Variants in MYL9 observed in about 807,000 individuals in gnomAD.
The protein encoded by MYL9 is myosin light chain 9.
A neutral mutation model predicts 12.8 loss-of-function variants in MYL9; 7 were observed. The ratio of observed to expected loss-of-function variants is 0.55; its 90% CI spans 0.31 to 1.03. MYL9 has a LOEUF of 1.03. Among genes scored for constraint, MYL9 ranks in the 50% least tolerant of loss-of-function variants. The pLI is 0.05. For synonymous variants in MYL9, 81 were observed against 87.8 expected (o/e 0.92, Z 0.43); for missense variants, 190 against 242.7 (o/e 0.78, Z 1.44).
intron 1 of MYL9, among the ~76,000 whole-genome samples, chr20:36,542,169 G>A (rs545208015): frequency 3.3e-5 from 5 of 152,108 alleles, no homozygotes; most frequent in Non-Finnish European, 5.9e-5. Flanking sequence ...GAAGGTCTGC[G>A]GAGGGCCCTG....
At chr20:36,546,468 G>A (rs1271739305) in intron 2 of MYL9, among the ~76,000 whole-genome samples, 1 of 152,124 alleles carries the variant, frequency 6.6e-6, no homozygotes, top group African/African-American at 2.4e-5. Context: ...ACGAGGCACT[G>A]AGCAGGAGAA....
chr20:36,544,268 GCC>G (rs926419397), intron 1 of MYL9, among the ~76,000 whole-genome samples: 1 of 152,128 alleles, frequency 6.6e-6, no homozygotes, highest in Admixed American at 6.5e-5. Context: ...GGGTTTGACT[GCC>G]CAGAGCCTCC....
Position 36,549,211 on chromosome 20 carries a change from C to T in MYL9, c.481C>T (p.Arg161Cys), listed in dbSNP as rs1241061245. 3.7e-6 allele frequency: 6 copies of T among 1,613,878 alleles called. No individual in the cohort carries two copies. Among genetic ancestry groups the T allele is most frequent in the Admixed American group, 3.3e-5 (2 of 60,012 alleles). The change falls in exon 4 of 4, where the codon CGC (arginine) becomes TGC (cysteine). Residue 161 changes from arginine (R) to cysteine (C), a missense_variant. Transcript: ENST00000279022. ...KGNFNYVEFTRILKHGAKDKD... is the reference protein window; with the variant it reads ...KGNFNYVEFTCILKHGAKDKD... ...CAACTTCAACTACGTGGAGTTCACC[C>T]GCATCCTCAAACATGGCGCCAAGGA...
chr20:36,547,214 A>G (rs114170655), intron 2 of MYL9, among the ~76,000 whole-genome samples: 2,556 of 152,346 alleles, frequency 0.017, 81 homozygotes, highest in African/African-American at 0.058. Flanking sequence ...TCACACCCTT[A>G]TCTTCAAGTT....
At chr20:36,546,271 C>T (rs894579782) in intron 2 of MYL9, among the ~76,000 whole-genome samples, 4 of 152,228 alleles carry the variant, frequency 2.6e-5, no homozygotes, top group East Asian at 1.9e-4. Flanking sequence ...CCAGTTCCCG[C>T]GTACCCCTCA....
intron 2 of MYL9, among the ~76,000 whole-genome samples, chr20:36,545,737 T>C (rs1046970325): frequency 2.6e-5 from 4 of 151,960 alleles, no homozygotes; most frequent in Non-Finnish European, 1.5e-5. Context: ...GAGATCATCC[T>C]GGCTAACATG....
intron 1 of MYL9, among the ~76,000 whole-genome samples, chr20:36,543,523 A>G (rs1278636079): frequency 3.3e-5 from 5 of 152,202 alleles, no homozygotes; most frequent in Non-Finnish European, 7.3e-5. Flanking sequence ...AGCCGAGGGA[A>G]GGAGGCACTG....
intron 2 of MYL9, among the ~76,000 whole-genome samples, chr20:36,546,495 G>A (rs1365660228): frequency 6.6e-6 from 1 of 152,154 alleles, no homozygotes; most frequent in Admixed American, 6.5e-5. Flanking sequence ...AAACCTGAGT[G>A]GGAGAACTGA....
At chr20:36,547,915 C>T (rs2038119459) in intron 2 of MYL9, 117 bp from the exon 3 acceptor site, 1 of 1,269,934 alleles carries the variant, frequency 7.9e-7, no homozygotes, top group Non-Finnish European at 1.1e-6. Context: ...ACAAAACCCA[C>T]TACCTCCCGT....
In MYL9 at chr20:36,549,085, C is replaced by CA; in HGVS notation, c.356dup (p.His119GlnfsTer2). ...CCTGCCCCTGCCCGCAGGTTTCATC[C>CA]ATGAGGACCACCTCCGGGAGCTGCT... On this transcript the variant is annotated frameshift_variant, in exon 4 of 4. Coordinates refer to ENST00000279022, the MANE Select transcript of MYL9 (RefSeq NM_006097.5). LOFTEE classifies it high-confidence loss of function. 6.2e-7 allele frequency: 1 copy of CA among 1,612,760 alleles called. No homozygotes were observed. The highest frequency in any genetic ancestry group is 8.5e-7 in the Non-Finnish European group (1 of 1,179,764).
intron 3 of MYL9, 147 bp from the exon 4 acceptor site, chr20:36,548,930 C>A: frequency 1.2e-6 from 1 of 834,066 alleles, no homozygotes; most frequent in Non-Finnish European, 1.8e-6. Flanking sequence ...CCTGCCACGT[C>A]CTCATTCCTC....
At chr20:36,543,334 G>A (rs1444744682) in intron 1 of MYL9, among the ~76,000 whole-genome samples, 3 of 152,208 alleles carry the variant, frequency 2.0e-5, no homozygotes, top group Non-Finnish European at 2.9e-5. Context: ...CAAAGGCCAA[G>A]GACCGAGAAT....
intron 2 of MYL9, among the ~76,000 whole-genome samples, chr20:36,545,359 T>C (rs974716553): frequency 6.6e-6 from 1 of 151,370 alleles, no homozygotes; most frequent in Non-Finnish European, 1.5e-5. Flanking sequence ...TAGCCGAGCG[T>C]GGTGGCGGGC....
rs913880320 is a variant in MYL9, at chr20:36,550,499, T to A, written c.*1250T>A. On this transcript the variant is annotated 3_prime_UTR_variant, in exon 4 of 4. Transcript: ENST00000279022. ...GACTGCCTGGGTCACCCAATAGGCC[T>A]AGGGAAGAGTGAGGGCCGGACCCAC... 4 of 152,302 alleles carry A rather than the reference T, an allele frequency of 2.6e-5. No individual in the cohort carries two copies. The highest frequency in any genetic ancestry group is 9.7e-5 in the African/African-American group (4 of 41,360). The allele number at this position is 152,302 out of a possible 1,614,324, so 9.4% of individuals were successfully genotyped here. A position where few individuals can be genotyped will look rare whatever the true frequency, so the allele number is the denominator to read the frequency against.
intron 2 of MYL9, among the ~76,000 whole-genome samples, chr20:36,546,789 T>C (rs527455345): frequency 2.4e-4 from 36 of 152,304 alleles, no homozygotes; most frequent in South Asian, 6.2e-4. Context: ...TTTGTATTTT[T>C]AGTAGAGACA....
At chr20:36,541,748 C>A (rs1272033493) in intron 1 of MYL9, among the ~76,000 whole-genome samples, 187 bp downstream of exon 1, 3 of 152,198 alleles carry the variant, frequency 2.0e-5, no homozygotes, top group Non-Finnish European at 4.4e-5. Context: ...TGGGGGCCGA[C>A]AGGGACTCTG....
intron 2 of MYL9, among the ~76,000 whole-genome samples, chr20:36,547,471 C>A (rs1266905511): frequency 6.6e-6 from 1 of 152,244 alleles, no homozygotes; most frequent in Admixed American, 6.5e-5. Flanking sequence ...TTTGCAACTA[C>A]TGTCTTCACA....
chr20:36,544,340 A>AGGAATGCT (rs2038070020), intron 1 of MYL9, among the ~76,000 whole-genome samples: 1 of 152,158 alleles, frequency 6.6e-6, no homozygotes, highest in South Asian at 2.1e-4. Flanking sequence ...GCAGGAATGC[A>AGGAATGCT]GGAATGCTGA....
chr20:36,545,268 C>T (rs548789290), intron 2 of MYL9, among the ~76,000 whole-genome samples, 200 bp downstream of exon 2: 23 of 152,112 alleles, frequency 1.5e-4, no homozygotes, highest in Non-Finnish European at 2.5e-4. Flanking sequence ...GAGGCCAAGG[C>T]GGGCGGATCA....
Sources: gnomAD v4.1 joint callset for allele counts (sites outside exome capture counted in the v4.1 genomes callset) on GRCh38, gnomAD v4.1.1 for gene constraint, MANE v1.5 for transcripts, NCBI Gene and HGNC (gene_info 2026-07-23, HGNC 2026-07-21) for gene names.